ARHGEF26: variants seen among roughly 807,000 people sequenced by gnomAD.
ARHGEF26 encodes Rho guanine nucleotide exchange factor (GEF) 26.
ARHGEF26 carries 59 observed loss-of-function variants against 89.4 expected under a neutral mutation model. The observed-to-expected ratio is 0.66, with a 90% CI of 0.54 to 0.82. The LOEUF (loss-of-function observed/expected upper bound fraction) is 0.82, where lower values mean the gene tolerates loss of function less well. Among genes scored for constraint, ARHGEF26 ranks in the 40% least tolerant of loss-of-function variants. The pLI is 0.00. For synonymous variants in ARHGEF26, 500 were observed against 428.4 expected (o/e 1.17, Z -2.06); for missense variants, 1,234 against 1,085.6 (o/e 1.14, Z -1.92).
At chr3:154,205,390 A>G (rs1017508274) in intron 9 of ARHGEF26, among the ~76,000 whole-genome samples, 3 of 151,364 alleles carry the variant, frequency 2.0e-5, no homozygotes, top group African/African-American at 4.9e-5. Context: ...TTTTTAGCCT[A>G]TGTGTGTCTT....
intron 7 of ARHGEF26, among the ~76,000 whole-genome samples, chr3:154,188,811 C>T (rs997391156): frequency 1.4e-5 from 2 of 145,502 alleles, no homozygotes; most frequent in African/African-American, 5.2e-5. Flanking sequence ...CTTTTTCCTC[C>T]ACATCTTCAT....
intron 9 of ARHGEF26, among the ~76,000 whole-genome samples, chr3:154,202,395 T>G (rs1714702588): frequency 6.6e-6 from 1 of 152,180 alleles, no homozygotes; most frequent in African/African-American, 2.4e-5. Flanking sequence ...CCATGCTGTT[T>G]TGGTTACAGC....
chr3:154,242,955 C>A (rs754850216), intron 12 of ARHGEF26, among the ~76,000 whole-genome samples: 4 of 152,124 alleles, frequency 2.6e-5, no homozygotes, highest in African/African-American at 4.8e-5. Context: ...TCTGTGTTTG[C>A]GGCTGTGGGG....
At chr3:154,180,525 C>T (rs1056249271) in intron 6 of ARHGEF26, among the ~76,000 whole-genome samples, 6 of 22,810 alleles carry the variant, frequency 2.6e-4, no homozygotes, top group Admixed American at 5.2e-4. Context: ...CATTTCTCTC[C>T]CACATGTAAC....
chr3:154,196,945 GAATTA>G (rs1714329304), intron 9 of ARHGEF26, among the ~76,000 whole-genome samples: 3 of 151,736 alleles, frequency 2.0e-5, no homozygotes, highest in African/African-American at 7.3e-5. Context: ...GTTGGTTGTT[GAATTA>G]AACCTGGAAT....
At chr3:154,217,705 C>G (rs374981158) in intron 9 of ARHGEF26, among the ~76,000 whole-genome samples, 164 bp from the exon 10 acceptor site, 2 of 152,190 alleles carry the variant, frequency 1.3e-5, no homozygotes, top group East Asian at 1.9e-4. Context: ...CACACCACTT[C>G]TAACTGGATA....
chr3:154,134,461 A>G (rs1402704145), intron 4 of ARHGEF26, among the ~76,000 whole-genome samples: 1 of 152,186 alleles, frequency 6.6e-6, no homozygotes. Flanking sequence ...TTTTAAAACC[A>G]TCAGATCTCG....
chr3:154,204,863 A>G (rs977111782), intron 9 of ARHGEF26, among the ~76,000 whole-genome samples: 1 of 152,020 alleles, frequency 6.6e-6, no homozygotes, highest in South Asian at 2.1e-4. Context: ...GTTTTATTTC[A>G]TTGTGGTCAA....
chr3:154,230,490 C>A (rs566409948), intron 11 of ARHGEF26, among the ~76,000 whole-genome samples: 5 of 152,244 alleles, frequency 3.3e-5, no homozygotes, highest in South Asian at 2.1e-4. Flanking sequence ...TAGAAACTTA[C>A]AACTTTTTTG....
At chr3:154,121,807 C>T (rs1452426139) in intron 1 of ARHGEF26, 135 bp from the exon 2 acceptor site, 7 of 785,026 alleles carry the variant, frequency 8.9e-6, no homozygotes, top group African/African-American at 1.7e-5. Flanking sequence ...AGTTTTTGCC[C>T]GAGAAAGGGC....
Position 154,122,751 on chromosome 3 carries a change from G to A in ARHGEF26, c.759G>A (p.Lys253=), listed in dbSNP as rs762645445. The A allele has an allele frequency of 1.2e-6, 2 of 1,612,484 alleles. No individual in the cohort carries two copies. Among genetic ancestry groups the A allele is most frequent in the South Asian group, 2.2e-5 (2 of 90,868 alleles). The change falls in exon 2 of 15, where the codon AAG becomes AAA. Residue 253 remains lysine (K), a synonymous_variant. Coordinates refer to ENST00000465093, the MANE Select transcript of ARHGEF26 (RefSeq NM_015595.4). ...LKVGKQQIIP[K]SLASEIKISK... ...TGGGGAAGCAGCAGATCATTCCGAA[G>A]AGTCTGGCCTCGGAAATTAAAATAA... is the stretch of plus-strand genomic sequence containing the variant.
chr3:154,218,177 C>CT (rs113879982), intron 10 of ARHGEF26, among the ~76,000 whole-genome samples: 21 of 149,218 alleles, frequency 1.4e-4, no homozygotes, highest in South Asian at 8.5e-4. Context: ...CTAAGAAGCA[C>CT]TTTTTTTTTT....
At chr3:154,239,666 C>G (rs758092664) in intron 11 of ARHGEF26, among the ~76,000 whole-genome samples, 6 of 152,052 alleles carry the variant, frequency 3.9e-5, no homozygotes, top group Non-Finnish European at 7.4e-5. Flanking sequence ...GAGGGAATTG[C>G]ATTCCCAGAG....
chr3:154,183,726 T>C (rs1713323173), intron 6 of ARHGEF26, among the ~76,000 whole-genome samples: 1 of 152,192 alleles, frequency 6.6e-6, no homozygotes, highest in Admixed American at 6.5e-5. Context: ...TTGAAGTAAG[T>C]AGCATAAACA....
At chr3:154,175,004 C>T (rs148601110) in intron 6 of ARHGEF26, among the ~76,000 whole-genome samples, 8 of 152,206 alleles carry the variant, frequency 5.3e-5, no homozygotes, top group South Asian at 2.1e-4. Context: ...AAGTGCCCTC[C>T]GCATGCAAGT....
Position 154,191,415 on chromosome 3 carries a change from G to A in ARHGEF26, c.1767G>A (p.Met589Ile), listed in dbSNP as rs145791918. The A allele has an allele frequency of 8.1e-4, 1,310 of 1,613,692 alleles. 10 individuals carry two copies. The African/African-American group carries it at 0.014, about 17-fold the overall frequency. The change falls in exon 8 of 15, where the codon ATG (methionine) becomes ATA (isoleucine). Residue 589 changes from methionine to isoleucine, a missense_variant. Met to Ile is a conservative substitution (Grantham distance 10). Coordinates refer to ENST00000465093, the MANE Select transcript of ARHGEF26 (RefSeq NM_015595.4). ...GGGTGACCCGCCTTCCCCTGCTGAT[G>A]GATGTAAGACATGACGGTGGCTTTT... The part of the protein sequence containing the change: ...MQRVTRLPLL[M>I]DTICQKTPKD...
At chr3:154,136,078 TAG>T (rs1718985238) in intron 4 of ARHGEF26, among the ~76,000 whole-genome samples, 1 of 152,158 alleles carries the variant, frequency 6.6e-6, no homozygotes, top group Non-Finnish European at 1.5e-5. Flanking sequence ...CAGCACCTAA[TAG>T]AGTCATCCTC....
intron 12 of ARHGEF26, among the ~76,000 whole-genome samples, chr3:154,248,930 T>C (rs1559927191): frequency 6.6e-6 from 1 of 152,180 alleles, no homozygotes; most frequent in Non-Finnish European, 1.5e-5. Context: ...TCTGAACTAA[T>C]CTAGTTGAAT....
At chr3:154,231,810 G>A (rs1716840540) in intron 11 of ARHGEF26, among the ~76,000 whole-genome samples, 1 of 151,928 alleles carries the variant, frequency 6.6e-6, no homozygotes, top group Non-Finnish European at 1.5e-5. Context: ...TGAAACCCAT[G>A]TCAGGCGGCA....
Sources: gnomAD v4.1 joint callset for allele counts (sites outside exome capture counted in the v4.1 genomes callset) on GRCh38, gnomAD v4.1.1 for gene constraint, MANE v1.5 for transcripts, NCBI Gene and HGNC (gene_info 2026-07-23, HGNC 2026-07-21) for gene names.